Variants in ST14 observed in about 807,000 individuals in gnomAD.
ST14 encodes suppressor of tumorigenicity 14 protein.
A neutral mutation model predicts 96.5 loss-of-function variants in ST14; 40 were observed. That is an observed-to-expected ratio of 0.41 (90% CI 0.32 to 0.54). ST14 has a LOEUF of 0.54. Among genes scored for constraint, ST14 ranks in the 20% least tolerant of loss-of-function variants. ST14 has a pLI of 0.17. For synonymous variants in ST14, 506 were observed against 492.1 expected, an observed-to-expected ratio of 1.03 and a Z score of -0.37; for missense variants, 1,066 against 1,188.9, an observed-to-expected ratio of 0.90 and a Z score of 1.52.
At chr11:130,168,719 G>C (rs1180879261) in intron 1 of ST14, among the ~76,000 whole-genome samples, 2 of 152,182 alleles carry the variant, frequency 1.3e-5, no homozygotes. Flanking sequence ...CCCCAGGATA[G>C]AGTCTGGTTC....
rs1953383158 is a variant in ST14, at chr11:130,197,822, G to A, written c.1355-19G>A. ...AGGTGGGTGGGTGCTGGGGGCCTCA[G>A]GCCTGCCTGTGCCCGCAGCATGCCC... On this transcript the variant is annotated intron_variant, in intron 11 of 18. Coordinates refer to ENST00000278742, the MANE Select transcript of ST14 (RefSeq NM_021978.4). 6.5e-7 allele frequency: 1 copy of A among 1,547,470 alleles called. No individual in the cohort carries two copies. Among genetic ancestry groups the A allele is most frequent in the East Asian group, 2.4e-5 (1 of 41,580 alleles).
chr11:130,197,249 G>A (rs1953376500), intron 11 of ST14, among the ~76,000 whole-genome samples: 1 of 152,232 alleles, frequency 6.6e-6, no homozygotes, highest in Non-Finnish European at 1.5e-5. Flanking sequence ...AGTACACTTG[G>A]ATGAACCAAC....
rs1444112824 is a variant in ST14 at position 130,187,822 on chromosome 11, A to G, written c.82-292A>G. 6.6e-6 allele frequency among the ~76,000 whole-genome samples: 1 copy of G among 152,136 alleles called. No individual in the cohort carries two copies. Among genetic ancestry groups the G allele is most frequent in the Non-Finnish European group, 1.5e-5 (1 of 67,996 alleles). ...GTTCGACAGCCCTTCATTGCGTTTT[A>G]ATTTAAATGAACAATTCGTAAGCAA... is the stretch of plus-strand genomic sequence containing the variant. On this transcript the variant is annotated intron_variant, in intron 1 of 18. Transcript: ENST00000278742. This position sits in a 1 kb window ranked among gnomAD's most constrained non-coding sequence, Gnocchi z 4.5.
chr11:130,196,904 ACT>A, intron 11 of ST14: 1 of 718,340 alleles, frequency 1.4e-6, no homozygotes, highest in Middle Eastern at 4.0e-4. Context: ...GCTGGCACAC[ACT>A]GTGTCCTTCT....
intron 16 of ST14, among the ~76,000 whole-genome samples, chr11:130,203,753 A>G (rs1953456984): frequency 6.6e-6 from 1 of 152,126 alleles, no homozygotes; most frequent in Non-Finnish European, 1.5e-5. Context: ...CCCGGGTTCA[A>G]GCAATTCTCC....
At position 130,187,334 on chromosome 11, in the gene ST14, C is replaced by A. The variant is rs1258315558; in HGVS notation, c.82-780C>A. ...CCCCACCTGCCCCTCCGTATTCTGG[C>A]CCCTCATCATGGATACCCTTGGCAG... On this transcript the variant is annotated intron_variant, in intron 1 of 18. Transcript: ENST00000278742. This position sits in a 1 kb window ranked among gnomAD's most constrained non-coding sequence, Gnocchi z 4.5. 6.6e-6 allele frequency among the ~76,000 whole-genome samples: 1 copy of A among 152,170 alleles called. No individual in the cohort carries two copies. The highest frequency in any genetic ancestry group is 1.5e-5 in the Non-Finnish European group (1 of 68,026).
intron 1 of ST14, among the ~76,000 whole-genome samples, chr11:130,182,987 G>A (rs558701527): frequency 7.9e-5 from 11 of 139,170 alleles, no homozygotes; most frequent in Admixed American, 1.4e-4. Context: ...ATGGAGTTTC[G>A]CTCTTGTTGC....
intron 1 of ST14, among the ~76,000 whole-genome samples, chr11:130,171,302 A>G (rs1238601908): frequency 6.6e-6 from 1 of 152,188 alleles, no homozygotes; most frequent in East Asian, 1.9e-4. Flanking sequence ...TTATAATAAT[A>G]ATTACTATTT....
chr11:130,200,112 T>C lies in ST14; in HGVS notation c.1969T>C (p.Cys657Arg). ...CAACTGGCTGGTCTCTGCCGCACAC[T>C]GCTACATCGATGACAGAGGATTCAG... is the stretch of plus-strand genomic sequence containing the variant. ...SPNWLVSAAH[C>R]YIDDRGFRYS... The change falls in exon 16 of 19, where the codon TGC (cysteine) becomes CGC (arginine). Residue 657 changes from cysteine (C) to arginine (R), a missense_variant. Physicochemically the swap from Cys to Arg is radical, Grantham distance 180. Coordinates refer to ENST00000278742, the MANE Select transcript of ST14 (RefSeq NM_021978.4). 1.9e-6 allele frequency: 3 copies of C among 1,614,198 alleles called. No homozygotes were observed. The highest frequency in any genetic ancestry group is 2.5e-6 in the Non-Finnish European group (3 of 1,180,034).
chr11:130,192,317 G>A (rs553343672), intron 7 of ST14, among the ~76,000 whole-genome samples: 13 of 152,352 alleles, frequency 8.5e-5, no homozygotes, highest in African/African-American at 2.9e-4. Context: ...CATGTTCCCA[G>A]TGGGAGAAGG....
intron 1 of ST14, among the ~76,000 whole-genome samples, chr11:130,185,051 T>C (rs1397672125): frequency 6.6e-6 from 1 of 152,160 alleles, no homozygotes; most frequent in Non-Finnish European, 1.5e-5. Context: ...CAGGAGCTTG[T>C]TTCTAAATAA....
At chr11:130,195,079 C>T (rs553505) in intron 9 of ST14, among the ~76,000 whole-genome samples, 122,453 of 151,968 alleles carry the variant, frequency 0.81, 49,695 homozygotes, top group East Asian at 0.94. Context: ...GAGACCTCAT[C>T]TCTACAAAAC....
At position 130,188,336 on chromosome 11, in the gene ST14, G is replaced by A. The variant is rs929826955; in HGVS notation, c.241+63G>A. 3.0e-5 allele frequency: 47 copies of A among 1,589,824 alleles called. No homozygotes were observed. Among genetic ancestry groups the A allele is most frequent in the Non-Finnish European group, 3.8e-5 (44 of 1,167,100 alleles). On this transcript the variant is annotated intron_variant, in intron 2 of 18. Coordinates refer to ENST00000278742, the MANE Select transcript of ST14 (RefSeq NM_021978.4). The surrounding 1 kb of genome is among the most constrained non-coding windows in gnomAD (Gnocchi z 5.4). ...AGGGGTGGCTGTCCCTCTTCCCTCA[G>A]CGGACAGACCCAGGGCCACCTACTG...
At position 130,187,440 on chromosome 11, in the gene ST14, G is replaced by A. The variant is rs188186341; in HGVS notation, c.82-674G>A. Among the ~76,000 whole-genome samples, 4 of 152,334 alleles carry A rather than the reference G, an allele frequency of 2.6e-5. No individual in the cohort carries two copies. The highest frequency in any genetic ancestry group is 9.6e-5 in the African/African-American group (4 of 41,570). ...TTCCCTCTGTTGGGGCTGCGCGTGG[G>A]TGTGGATTCCCACAGTGGGCCTCTC... On this transcript the variant is annotated intron_variant, in intron 1 of 18. Coordinates refer to ENST00000278742, the MANE Select transcript of ST14 (RefSeq NM_021978.4). This position sits in a 1 kb window ranked among gnomAD's most constrained non-coding sequence, Gnocchi z 4.5.
At chr11:130,196,162 A>C (rs564458565) in intron 9 of ST14, among the ~76,000 whole-genome samples, 177 bp from the exon 10 acceptor site, 1 of 148,614 alleles carries the variant, frequency 6.7e-6, no homozygotes, top group Non-Finnish European at 1.5e-5. Flanking sequence ...TCCATCTCAA[A>C]AAACAAACAA....
intron 16 of ST14, among the ~76,000 whole-genome samples, chr11:130,201,325 G>A (rs766739492): frequency 1.3e-5 from 2 of 152,274 alleles, no homozygotes; most frequent in East Asian, 1.9e-4. Context: ...ATCCAACCTC[G>A]GAAGAAGGGG....
At chr11:130,209,268 T>G (rs561581036) in intron 17 of ST14, among the ~76,000 whole-genome samples, 174 bp from the exon 18 acceptor site, 1 of 152,242 alleles carries the variant, frequency 6.6e-6, no homozygotes, top group East Asian at 1.9e-4. Context: ...CCCTGCTTCC[T>G]CTAGGTGGCT....
chr11:130,167,237 A>G (rs1953049499), intron 1 of ST14, among the ~76,000 whole-genome samples: 1 of 152,202 alleles, frequency 6.6e-6, no homozygotes, highest in South Asian at 2.1e-4. Context: ...AATAAAAATG[A>G]CACAAATACC....
intron 16 of ST14, among the ~76,000 whole-genome samples, chr11:130,200,514 C>T (rs1474879344): frequency 3.3e-5 from 5 of 152,096 alleles, no homozygotes; most frequent in African/African-American, 1.2e-4. Context: ...AGAACTCACC[C>T]ATCACCATGG....
Sources: gnomAD v4.1 joint callset for allele counts (sites outside exome capture counted in the v4.1 genomes callset) on GRCh38, gnomAD v4.1.1 for gene constraint, Gnocchi (gnomAD v3.1) non-coding constraint, MANE v1.5 for transcripts, NCBI Gene and HGNC (gene_info 2026-07-23, HGNC 2026-07-21) for gene names.